Variants in ASPH observed in about 807,000 individuals in gnomAD.
The protein encoded by ASPH is aspartyl/asparaginyl beta-hydroxylase.
A neutral mutation model predicts 118.4 loss-of-function variants in ASPH; 100 were observed. That is an observed-to-expected ratio of 0.84 (90% confidence interval 0.72 to 1.00). The LOEUF (loss-of-function observed/expected upper bound fraction) is 1.00. ASPH is among the 50% of genes least tolerant of loss of function. ASPH has a pLI of 0.00. For synonymous variants in ASPH, 315 were observed against 325.6 expected (o/e 0.97, Z 0.35); for missense variants, 920 against 919.5 (o/e 1.00, Z -0.01).
chr8:61,553,225 C>T, intron 19 of ASPH, 105 bp from the exon 20 acceptor site: 2 of 841,828 alleles, frequency 2.4e-6, no homozygotes, highest in Non-Finnish European at 3.7e-6. Context: ...AACCTAAAAA[C>T]CAGAAAAATA....
At chr8:61,635,053 T>G (rs997911797) in intron 12 of ASPH, among the ~76,000 whole-genome samples, 9 of 152,178 alleles carry the variant, frequency 5.9e-5, no homozygotes, top group South Asian at 2.1e-4. Flanking sequence ...TTACTCCAGG[T>G]CTTTTTGAAC....
chr8:61,633,681 A>G lies in ASPH; in HGVS notation c.934+2T>C. 1 of 1,597,478 alleles carries G rather than the reference A, an allele frequency of 6.3e-7. No individual in the cohort carries two copies. Among genetic ancestry groups the G allele is most frequent in the Non-Finnish European group, 8.5e-7 (1 of 1,171,868 alleles). ...GAAAATACAACATACAAAATGTCAT[A>G]CCTGGTGGTACTTCCTGCTGTTCTT... On this transcript the variant is annotated splice_donor_variant, in intron 13 of 24. Coordinates refer to ENST00000379454, the MANE Select transcript of ASPH (RefSeq NM_004318.4). LOFTEE classifies it high-confidence loss of function.
intron 14 of ASPH, among the ~76,000 whole-genome samples, chr8:61,586,560 ACT>A (rs1400077125): frequency 6.6e-6 from 1 of 151,984 alleles, no homozygotes; most frequent in Non-Finnish European, 1.5e-5. Context: ...TTTAGCACTC[ACT>A]CTGCGCCAGT....
At chr8:61,546,094 C>T (rs1001440052) in intron 21 of ASPH, among the ~76,000 whole-genome samples, 1 of 152,148 alleles carries the variant, frequency 6.6e-6, no homozygotes, top group East Asian at 1.9e-4. Flanking sequence ...CCATTTACGG[C>T]TGGGGTGGTA....
chr8:61,549,919 C>T (rs1382622768), intron 20 of ASPH, among the ~76,000 whole-genome samples: 1 of 152,126 alleles, frequency 6.6e-6, no homozygotes, highest in Non-Finnish European at 1.5e-5. Context: ...TTAGTTCCGG[C>T]CTTTAATTAG....
intron 1 of ASPH, among the ~76,000 whole-genome samples, chr8:61,691,400 C>T (rs954061351): frequency 6.6e-6 from 1 of 152,194 alleles, no homozygotes; most frequent in African/African-American, 2.4e-5. Context: ...TCCTTTCCCC[C>T]ATTATTTTCT....
intron 24 of ASPH, among the ~76,000 whole-genome samples, chr8:61,507,677 C>G (rs1333688790): frequency 6.6e-6 from 1 of 151,810 alleles, no homozygotes; most frequent in Non-Finnish European, 1.5e-5. Flanking sequence ...TTTTCCACAA[C>G]AAAGGGAGAG....
intron 19 of ASPH, 45 bp downstream of exon 19, chr8:61,555,879 G>C: frequency 1.3e-6 from 2 of 1,542,784 alleles, no homozygotes; most frequent in Non-Finnish European, 1.8e-6. Flanking sequence ...CCAATAACTC[G>C]AAGGACTTGA....
intron 3 of ASPH, among the ~76,000 whole-genome samples, chr8:61,669,802 C>T (rs1821496492): frequency 6.6e-6 from 1 of 152,084 alleles, no homozygotes; most frequent in Non-Finnish European, 1.5e-5. Context: ...CTCTCCCTAC[C>T]CCCACTGTTA....
rs1405705985 is a variant in ASPH at position 61,679,701 on chromosome 8, T to C, written c.322+1267A>G. Among the ~76,000 whole-genome samples, 3 of 151,868 alleles carry C rather than the reference T, an allele frequency of 2.0e-5. No homozygotes were observed. In the East Asian group the frequency reaches 5.8e-4, roughly 29 times the overall value. On this transcript the variant is annotated intron_variant, in intron 3 of 24. Coordinates refer to ENST00000379454, the MANE Select transcript of ASPH (RefSeq NM_004318.4). ...TCAGAATGTGTCATTTAAAGTAATA[T>C]AATGAAGTAATAAACCATTTATAGG...
At chr8:61,688,772 G>T (rs1831589854) in intron 1 of ASPH, among the ~76,000 whole-genome samples, 1 of 152,096 alleles carries the variant, frequency 6.6e-6, no homozygotes, top group African/African-American at 2.4e-5. Context: ...TAACTACATG[G>T]ATTACCTAAT....
chr8:61,688,407 A>C (rs1338620805), intron 1 of ASPH, among the ~76,000 whole-genome samples: 1 of 152,202 alleles, frequency 6.6e-6, no homozygotes, highest in Non-Finnish European at 1.5e-5. Context: ...TACTATGGCA[A>C]GCAACAGTCC....
At chr8:61,689,964 G>T (rs566333933) in intron 1 of ASPH, 2 of 809,872 alleles carry the variant, frequency 2.5e-6, no homozygotes, top group East Asian at 5.7e-5. Flanking sequence ...TCCCACTTAC[G>T]GGATTCTTTT....
chr8:61,537,919 T>C (rs1223977482), intron 21 of ASPH, among the ~76,000 whole-genome samples: 5 of 152,022 alleles, frequency 3.3e-5, no homozygotes, highest in Admixed American at 1.3e-4. Context: ...ACTCAAAGAA[T>C]ATAAAACACT....
intron 24 of ASPH, among the ~76,000 whole-genome samples, chr8:61,514,842 AG>A (rs1164458586): frequency 7.9e-5 from 12 of 152,070 alleles, no homozygotes; most frequent in Admixed American, 7.9e-4. Flanking sequence ...CTGGGATTAT[AG>A]GCATGAACCA....
intron 14 of ASPH, among the ~76,000 whole-genome samples, chr8:61,595,042 T>A (rs1842151964): frequency 6.6e-6 from 1 of 152,222 alleles, no homozygotes; most frequent in Non-Finnish European, 1.5e-5. Context: ...GAATTCATAT[T>A]TTTTAGATAT....
At chr8:61,712,926 T>G (rs569590957) in intron 1 of ASPH, among the ~76,000 whole-genome samples, 2 of 152,378 alleles carry the variant, frequency 1.3e-5, no homozygotes, top group East Asian at 3.9e-4. Flanking sequence ...CTCTGCTTAG[T>G]GCCCTTAGAG....
At position 61,637,121 on chromosome 8, in the gene ASPH, A is replaced by G. The variant is rs180880520; in HGVS notation, c.889+826T>C. On this transcript the variant is annotated intron_variant, in intron 12 of 24. Coordinates refer to ENST00000379454, the MANE Select transcript of ASPH (RefSeq NM_004318.4). ...GACAATTAGCTGCTCCTAAATTTTAAGAGTAATTGTAAGAGCAAAATTCTC... is the reference window on the plus strand; with the variant it reads ...GACAATTAGCTGCTCCTAAATTTTAGGAGTAATTGTAAGAGCAAAATTCTC... Among the ~76,000 whole-genome samples, 524 of 152,256 alleles carry G rather than the reference A, an allele frequency of 3.4e-3. 3 individuals carry two copies. The highest frequency in any genetic ancestry group is 5.1e-3 in the Non-Finnish European group (349 of 68,026).
At chr8:61,681,525 T>C (rs1306449241) in intron 2 of ASPH, among the ~76,000 whole-genome samples, 2 of 151,750 alleles carry the variant, frequency 1.3e-5, no homozygotes, top group African/African-American at 4.8e-5. Flanking sequence ...ATCTAAGTAC[T>C]AAAAACTAAA....
Sources: gnomAD v4.1 joint callset for allele counts (sites outside exome capture counted in the v4.1 genomes callset) on GRCh38, gnomAD v4.1.1 for gene constraint, MANE v1.5 for transcripts, NCBI Gene and HGNC (gene_info 2026-07-23, HGNC 2026-07-21) for gene names.